The following CUX2 variants were observed in gnomAD, a reference collection of about 807,000 sequenced individuals.
CUX2 encodes the protein cut like homeobox 2, also known as homeobox protein cut-like 2.
A neutral mutation model predicts 144.8 loss-of-function variants in CUX2; 40 were observed. That is an observed-to-expected ratio of 0.28 (90% CI 0.21 to 0.36). The LOEUF is 0.36. Ranked by LOEUF, CUX2 falls within the 10% of genes least tolerant of loss-of-function variation. CUX2 has a pLI of 1.00. For missense variants in CUX2, 1,615 were observed against 1,994.0 expected, an observed-to-expected ratio of 0.81 and a Z score of 3.62; for synonymous variants, 827 against 875.6, an observed-to-expected ratio of 0.94 and a Z score of 0.98.
Position 111,163,896 on chromosome 12 carries a change from A to G in CUX2, c.64-50304A>G, listed in dbSNP as rs111622725. On this transcript the variant is annotated intron_variant, in intron 1 of 21. Coordinates refer to ENST00000261726, the MANE Select transcript of CUX2 (RefSeq NM_015267.4). ...CAACATAGAACCATGCCCCACACCT[A>G]CTTTTCCTCTAGGAGTTTAAATCAT... 8.7e-4 allele frequency among the ~76,000 whole-genome samples: 133 copies of G among 152,024 alleles called. 1 individual carries two copies. The highest frequency in any genetic ancestry group is 3.1e-3 in the African/African-American group (130 of 41,440).
chr12:111,191,940 G>A (rs1382364815), intron 1 of CUX2, among the ~76,000 whole-genome samples: 1 of 152,086 alleles, frequency 6.6e-6, no homozygotes, highest in Non-Finnish European at 1.5e-5. Flanking sequence ...AGTCTCTCAT[G>A]ATGCTTATAA....
chr12:111,164,126 A>T (rs2136155425), intron 1 of CUX2, among the ~76,000 whole-genome samples: 1 of 152,278 alleles, frequency 6.6e-6, no homozygotes, highest in African/African-American at 2.4e-5. Context: ...CTGTTATTAT[A>T]ATACTACCTG....
At chr12:111,269,247 G>A (rs1022152102) in intron 4 of CUX2, among the ~76,000 whole-genome samples, 5 of 152,096 alleles carry the variant, frequency 3.3e-5, no homozygotes, top group East Asian at 3.9e-4. Flanking sequence ...TACTAAATTC[G>A]TATACCCAGA....
intron 1 of CUX2, among the ~76,000 whole-genome samples, chr12:111,197,444 C>G (rs1223027116): frequency 6.6e-6 from 1 of 152,138 alleles, no homozygotes; most frequent in East Asian, 1.9e-4. Flanking sequence ...CTGTTGGATC[C>G]CCAGTGCCTG....
intron 2 of CUX2, among the ~76,000 whole-genome samples, chr12:111,214,875 G>GC (rs1881443569): frequency 6.6e-6 from 1 of 152,018 alleles, no homozygotes; most frequent in Non-Finnish European, 1.5e-5. Context: ...CAATGTAAGG[G>GC]CCCCCCAAGG....
chr12:111,176,963 A>G (rs1232533916), intron 1 of CUX2, among the ~76,000 whole-genome samples: 6 of 152,204 alleles, frequency 3.9e-5, no homozygotes, highest in Non-Finnish European at 7.3e-5. Flanking sequence ...GTTTAGCAAC[A>G]TCTCCAGCCT....
At chr12:111,111,224 C>T (rs1254233830) in intron 1 of CUX2, among the ~76,000 whole-genome samples, 2 of 152,122 alleles carry the variant, frequency 1.3e-5, no homozygotes, top group Non-Finnish European at 1.5e-5. Flanking sequence ...ATCGCTTGAA[C>T]CCAGGAGGCG....
chr12:111,139,120 G>A (rs2136120725), intron 1 of CUX2, among the ~76,000 whole-genome samples: 1 of 152,106 alleles, frequency 6.6e-6, no homozygotes, highest in South Asian at 2.1e-4. Flanking sequence ...TAAACTCCCT[G>A]AGCCTCAGGG....
chr12:111,337,927 C>A (rs1417151078), intron 19 of CUX2, among the ~76,000 whole-genome samples: 3 of 151,724 alleles, frequency 2.0e-5, no homozygotes, highest in African/African-American at 7.3e-5. Flanking sequence ...CCCAGCTACT[C>A]GGGAGGCTGA....
intron 3 of CUX2, among the ~76,000 whole-genome samples, chr12:111,235,140 A>T (rs1177049704): frequency 6.6e-6 from 1 of 152,220 alleles, no homozygotes; most frequent in Non-Finnish European, 1.5e-5. Context: ...TACTAGCACA[A>T]AGAAAGCTTA....
intron 1 of CUX2, among the ~76,000 whole-genome samples, chr12:111,213,370 T>C (rs1881337315): frequency 6.6e-6 from 1 of 152,192 alleles, no homozygotes; most frequent in Non-Finnish European, 1.5e-5. Context: ...AGAGGGGTGA[T>C]CAAATATACA....
At chr12:111,163,738 A>C (rs909229160) in intron 1 of CUX2, among the ~76,000 whole-genome samples, 4 of 152,142 alleles carry the variant, frequency 2.6e-5, no homozygotes, top group Non-Finnish European at 5.9e-5. Context: ...GAAGAGTGCC[A>C]AATAATACAG....
chr12:111,117,638 A>G (rs532238534), intron 1 of CUX2, among the ~76,000 whole-genome samples: 1 of 152,340 alleles, frequency 6.6e-6, no homozygotes, highest in African/African-American at 2.4e-5. Flanking sequence ...GACCTCCAAG[A>G]TGACACTGAG....
chr12:111,247,472 C>A (rs1883333766), intron 3 of CUX2, among the ~76,000 whole-genome samples: 1 of 152,228 alleles, frequency 6.6e-6, no homozygotes, highest in African/African-American at 2.4e-5. Flanking sequence ...AGGATCACTG[C>A]AAAGGGGAGG....
Position 111,310,102 on chromosome 12 carries a change from C to T in CUX2, c.1320C>T (p.Pro440=), listed in dbSNP as rs1393711672. The T allele has an allele frequency of 6.9e-7, 1 of 1,454,240 alleles. No homozygotes were observed. Among genetic ancestry groups the T allele is most frequent in the South Asian group, 1.5e-5 (1 of 67,060 alleles). 90.1% of individuals were successfully genotyped at this position (1,454,240 alleles called of 1,614,324 possible). Reference sequence around the variant, plus strand: ...CACTGGGCACGGAGCAGTCCTACCCCTCCCCTCAGCAGCTCCCACCTCCAC... The same window carrying T: ...CACTGGGCACGGAGCAGTCCTACCCTTCCCCTCAGCAGCTCCCACCTCCAC... ...KDSLGTEQSY[P]SPQQLPPPPG... Residue 440 remains proline (P), a synonymous_variant, in exon 15 of 22, where the codon CCC becomes CCT. Transcript: ENST00000261726. This position sits in a 1 kb window ranked among gnomAD's most constrained non-coding sequence, Gnocchi z 7.9.
chr12:111,283,903 C>T (rs1490746660), intron 4 of CUX2, among the ~76,000 whole-genome samples: 3 of 152,094 alleles, frequency 2.0e-5, no homozygotes, highest in Non-Finnish European at 4.4e-5. Flanking sequence ...TGGAGCTGAC[C>T]AATACACCAT....
At chr12:111,215,902 A>G (rs1881503352) in intron 2 of CUX2, among the ~76,000 whole-genome samples, 1 of 152,216 alleles carries the variant, frequency 6.6e-6, no homozygotes, top group Non-Finnish European at 1.5e-5. Context: ...ACATAATTTT[A>G]ATACTGCATA....
chr12:111,086,573 CA>C (rs1209421256), intron 1 of CUX2, among the ~76,000 whole-genome samples: 1 of 152,122 alleles, frequency 6.6e-6, no homozygotes, highest in Non-Finnish European at 1.5e-5. Context: ...TGGGTGCAGA[CA>C]GGGAGAGGAA....
At chr12:111,225,098 G>A (rs933412357) in intron 3 of CUX2, among the ~76,000 whole-genome samples, 1 of 152,090 alleles carries the variant, frequency 6.6e-6, no homozygotes, top group Admixed American at 6.5e-5. Context: ...TAGAGATGGG[G>A]TTTCACCATG....
Sources: allele counts gnomAD v4.1 joint callset (sites outside exome capture counted in the v4.1 genomes callset), GRCh38; gene constraint gnomAD v4.1.1; non-coding constraint Gnocchi (gnomAD v3.1); transcripts MANE v1.5; gene names NCBI Gene and HGNC (gene_info 2026-07-23, HGNC 2026-07-21).